The following SNTB1 variants were observed in gnomAD, a reference collection of about 807,000 sequenced individuals.
The protein encoded by SNTB1 is syntrophin beta 1, also known as beta-1-syntrophin.
Under a neutral mutation model 48.9 loss-of-function variants are expected in SNTB1, and 36 were observed. The observed-to-expected ratio is 0.74, with a 90% confidence interval of 0.56 to 0.97. SNTB1 has a LOEUF of 0.97. SNTB1 is among the 50% of genes least tolerant of loss of function. SNTB1 has a pLI of 0.00. For synonymous variants in SNTB1, 299 were observed against 294.6 expected, an observed-to-expected ratio of 1.01 and a Z score of -0.15; for missense variants, 786 against 703.4, an observed-to-expected ratio of 1.12 and a Z score of -1.33.
intron 1 of SNTB1, chr8:120,769,070 G>T (rs957205532): frequency 6.6e-6 from 1 of 152,196 alleles, no homozygotes. Flanking sequence ...CCAGCCAGGC[G>T]TCTTCTCTCT....
chr8:120,587,902 C>A (rs1014936785), intron 3 of SNTB1, among the ~76,000 whole-genome samples: 1 of 152,120 alleles, frequency 6.6e-6, no homozygotes, highest in Non-Finnish European at 1.5e-5. Context: ...CAGTTAAAGT[C>A]TCTATTTGGT....
At position 120,811,447 on chromosome 8, in the gene SNTB1, T is replaced by G. The variant is rs1319145966; in HGVS notation, c.397A>C (p.Asn133His). ...LGISIKGGKE[N>H]KMPILISKIF... ...TTGCTGATGAGGATGGGCATCTTGT[T>G]CTCCTTGCCCCCCTTGATGCTGATC... Residue 133 changes from asparagine (N) to histidine (H), a missense_variant, in exon 1 of 7, where the codon AAC becomes CAC. By Grantham distance (68) the Asn-to-His change is moderately conservative. Transcript: ENST00000517992. The G allele has an allele frequency of 6.2e-7, 1 of 1,613,960 alleles. No individual in the cohort carries two copies. Among genetic ancestry groups the G allele is most frequent in the African/African-American group, 1.3e-5 (1 of 75,016 alleles).
At chr8:120,661,544 T>C (rs927941640) in intron 2 of SNTB1, among the ~76,000 whole-genome samples, 2 of 152,172 alleles carry the variant, frequency 1.3e-5, no homozygotes, top group Non-Finnish European at 2.9e-5. Flanking sequence ...GTTTGTTGCA[T>C]AGGTATACAT....
intron 3 of SNTB1, among the ~76,000 whole-genome samples, chr8:120,586,841 G>C (rs557982278): frequency 6.6e-6 from 1 of 152,286 alleles, no homozygotes; most frequent in African/African-American, 2.4e-5. Context: ...ATGGGCAAAT[G>C]GGGGAAAGAA....
chr8:120,561,341 G>GAAAAAAAA, intron 4 of SNTB1, among the ~76,000 whole-genome samples: 1 of 67,382 alleles, frequency 1.5e-5, no homozygotes. Flanking sequence ...AAAAAAAAAA[G>GAAAAAAAA]AAAAAAAGAA....
chr8:120,794,698 T>A (rs1427675729), intron 1 of SNTB1, among the ~76,000 whole-genome samples: 1 of 152,032 alleles, frequency 6.6e-6, no homozygotes, highest in African/African-American at 2.4e-5. Context: ...GATTGAAGAT[T>A]TACTGCCATC....
chr8:120,543,605 G>C (rs1396207512), intron 5 of SNTB1, among the ~76,000 whole-genome samples: 3 of 152,090 alleles, frequency 2.0e-5, no homozygotes, highest in Non-Finnish European at 4.4e-5. Flanking sequence ...GGACAAGGAG[G>C]GATGTGGGGA....
At chr8:120,759,213 T>C (rs939027122) in intron 1 of SNTB1, among the ~76,000 whole-genome samples, 2 of 152,238 alleles carry the variant, frequency 1.3e-5, no homozygotes, top group Admixed American at 6.5e-5. Context: ...CATACATGTA[T>C]TATAGGACAT....
intron 3 of SNTB1, among the ~76,000 whole-genome samples, chr8:120,628,821 T>C (rs1816928754): frequency 1.3e-5 from 2 of 152,056 alleles, no homozygotes. Flanking sequence ...TTGATGTGCA[T>C]GACCCATCTA....
At chr8:120,568,763 T>C (rs1352162497) in intron 4 of SNTB1, among the ~76,000 whole-genome samples, 2 of 152,256 alleles carry the variant, frequency 1.3e-5, no homozygotes, top group East Asian at 1.9e-4. Context: ...CCTCATGGGC[T>C]ACCAGCCAGA....
At chr8:120,792,063 G>A (rs1013237194) in intron 1 of SNTB1, among the ~76,000 whole-genome samples, 1 of 151,340 alleles carries the variant, frequency 6.6e-6, no homozygotes, top group African/African-American at 2.4e-5. Context: ...ATCAACCGAT[G>A]AGTGGGTACC....
intron 2 of SNTB1, among the ~76,000 whole-genome samples, chr8:120,640,975 G>A (rs1423771082): frequency 6.6e-6 from 1 of 152,084 alleles, no homozygotes; most frequent in African/African-American, 2.4e-5. Context: ...TGTACCTCTG[G>A]TAGAATTCGG....
At chr8:120,757,654 C>T (rs529861519) in intron 1 of SNTB1, among the ~76,000 whole-genome samples, 1 of 152,294 alleles carries the variant, frequency 6.6e-6, no homozygotes, top group South Asian at 2.1e-4. Flanking sequence ...GTTGTGTCAG[C>T]TTAACAAGTC....
At chr8:120,805,774 A>T (rs2130189159) in intron 1 of SNTB1, among the ~76,000 whole-genome samples, 1 of 152,330 alleles carries the variant, frequency 6.6e-6, no homozygotes, top group South Asian at 2.1e-4. Context: ...AAATCATTCC[A>T]ACCTTTGGAG....
At chr8:120,575,787 C>T (rs925258876) in intron 3 of SNTB1, among the ~76,000 whole-genome samples, 5 of 152,120 alleles carry the variant, frequency 3.3e-5, no homozygotes, top group South Asian at 2.1e-4. Context: ...CCATTCACCA[C>T]CCATAATTTA....
At chr8:120,788,017 T>G (rs961966313) in intron 1 of SNTB1, among the ~76,000 whole-genome samples, 4 of 152,144 alleles carry the variant, frequency 2.6e-5, no homozygotes, top group African/African-American at 9.7e-5. Flanking sequence ...TCTATCAGAC[T>G]AACAGGAGAC....
chr8:120,551,962 G>T (rs1347460004), intron 4 of SNTB1, among the ~76,000 whole-genome samples: 1 of 151,984 alleles, frequency 6.6e-6, no homozygotes, highest in Non-Finnish European at 1.5e-5. Flanking sequence ...ATAAAAACTG[G>T]TTCCCTTCCT....
At chr8:120,579,368 T>C (rs1404661560) in intron 3 of SNTB1, among the ~76,000 whole-genome samples, 1 of 152,144 alleles carries the variant, frequency 6.6e-6, no homozygotes, top group Non-Finnish European at 1.5e-5. Flanking sequence ...AAAACTGATC[T>C]TGTCTCTTCT....
intron 1 of SNTB1, among the ~76,000 whole-genome samples, chr8:120,720,128 C>G (rs1818634319): frequency 6.6e-6 from 1 of 152,208 alleles, no homozygotes; most frequent in Non-Finnish European, 1.5e-5. Context: ...AGCTCACTAT[C>G]TAACATAAAT....
Sources: gnomAD v4.1 joint callset for allele counts (sites outside exome capture counted in the v4.1 genomes callset) on GRCh38, gnomAD v4.1.1 for gene constraint, MANE v1.5 for transcripts, NCBI Gene and HGNC (gene_info 2026-07-23, HGNC 2026-07-21) for gene names.